The following MAST2 variants were observed in gnomAD, a reference collection of about 807,000 sequenced individuals.
MAST2 encodes microtubule-associated serine/threonine-protein kinase 2.
MAST2 carries 70 observed loss-of-function variants against 147.4 expected under a neutral mutation model. The ratio of observed to expected loss-of-function variants is 0.47; its 90% CI spans 0.39 to 0.58. The LOEUF (loss-of-function observed/expected upper bound fraction) is 0.58, where lower values mean the gene tolerates loss of function less well. MAST2 is among the 20% of genes least tolerant of loss of function. The pLI is 0.00. For synonymous variants in MAST2, 869 were observed against 896.8 expected (o/e 0.97, Z 0.55); for missense variants, 2,080 against 2,302.3 (o/e 0.90, Z 1.98).
intron 5 of MAST2, among the ~76,000 whole-genome samples, chr1:45,976,809 G>A (rs144503705): frequency 6.6e-6 from 1 of 152,280 alleles, no homozygotes; most frequent in Non-Finnish European, 1.5e-5. Flanking sequence ...GTGGCATGTG[G>A]ATTGATTGTC....
At chr1:45,901,267 C>G (rs1570625235) in intron 4 of MAST2, among the ~76,000 whole-genome samples, 1 of 152,100 alleles carries the variant, frequency 6.6e-6, no homozygotes, top group Admixed American at 6.6e-5. Context: ...TGTCCTTTCC[C>G]CATTGATTAT....
chr1:45,847,944 A>G (rs1012328839), intron 3 of MAST2, among the ~76,000 whole-genome samples: 6 of 152,228 alleles, frequency 3.9e-5, no homozygotes, highest in African/African-American at 1.4e-4. Flanking sequence ...GGTGCATTCT[A>G]TCATATAGAC....
intron 4 of MAST2, among the ~76,000 whole-genome samples, chr1:45,949,997 T>C (rs771283419): frequency 6.6e-6 from 1 of 152,094 alleles, no homozygotes; most frequent in Non-Finnish European, 1.5e-5. Context: ...TTCTTACTTA[T>C]AAGTGGGAGC....
intron 1 of MAST2, among the ~76,000 whole-genome samples, chr1:45,816,221 AAGAGAG>A (rs144287036): frequency 8.9e-5 from 12 of 134,738 alleles, no homozygotes; most frequent in South Asian, 2.5e-4. Flanking sequence ...GAGAGAGAGA[AAGAGAG>A]AGAGAGAGAG....
chr1:45,987,611 G>A (rs1270681315), intron 5 of MAST2, among the ~76,000 whole-genome samples: 2 of 151,888 alleles, frequency 1.3e-5, no homozygotes, highest in Non-Finnish European at 2.9e-5. Context: ...TATGCCTGGC[G>A]TTGTGTATGG....
At chr1:45,896,576 A>G (rs1052206435) in intron 4 of MAST2, among the ~76,000 whole-genome samples, 2 of 152,248 alleles carry the variant, frequency 1.3e-5, no homozygotes, top group South Asian at 2.1e-4. Flanking sequence ...GAACTCTCTC[A>G]TGGGAGAGCC....
At chr1:45,829,127 G>A (rs748031370) in intron 2 of MAST2, among the ~76,000 whole-genome samples, 5 of 152,044 alleles carry the variant, frequency 3.3e-5, no homozygotes, top group Non-Finnish European at 5.9e-5. Context: ...AAACTATGTA[G>A]GCTAGAAGGG....
chr1:45,951,364 C>T (rs1326830556), intron 4 of MAST2, among the ~76,000 whole-genome samples: 1 of 152,192 alleles, frequency 6.6e-6, no homozygotes, highest in African/African-American at 2.4e-5. Context: ...GGGCGGATCA[C>T]TTGAGCCCAG....
intron 4 of MAST2, among the ~76,000 whole-genome samples, chr1:45,900,295 T>TTGAAC (rs893354043): frequency 6.6e-6 from 1 of 151,944 alleles, no homozygotes; most frequent in African/African-American, 2.4e-5. Context: ...TCTGTAGGGG[T>TTGAAC]TGAACTAATT....
intron 4 of MAST2, among the ~76,000 whole-genome samples, chr1:45,893,076 A>G (rs971039532): frequency 6.6e-6 from 1 of 152,170 alleles, no homozygotes; most frequent in Non-Finnish European, 1.5e-5. Context: ...CTATACATCT[A>G]TATTTTTATA....
At chr1:45,959,360 T>A (rs376900488) in intron 4 of MAST2, 26 bp from the exon 5 acceptor site, 1 of 1,595,554 alleles carries the variant, frequency 6.3e-7, no homozygotes, top group South Asian at 1.1e-5. Context: ...GGCCCTATTA[T>A]AATTCATATT....
intron 1 of MAST2, among the ~76,000 whole-genome samples, chr1:45,815,193 T>G (rs1383538873): frequency 6.6e-6 from 1 of 152,054 alleles, no homozygotes; most frequent in East Asian, 1.9e-4. Context: ...TCTTTTTTTT[T>G]TTTTTTGAAA....
rs1450173706 is a variant in MAST2, at chr1:46,000,956, C to T, written c.669-1849C>T. 1.2e-5 allele frequency: 15 copies of T among 1,289,538 alleles called. No individual in the cohort carries two copies. The East Asian group carries it at 6.1e-4, about 52-fold the overall frequency. The allele number at this position is 1,289,538 out of a possible 1,614,324, so 79.9% of individuals were successfully genotyped here. On this transcript the variant is annotated intron_variant, in intron 6 of 28. Transcript: ENST00000361297. ...CACTATAATGTGTATTTTTTTACTA[C>T]AGCCATAGCCACAGAGCTGACAGGT...
Position 45,900,173 on chromosome 1 carries a change from C to CAAAAAAA in MAST2, c.500+17794_500+17800dup, listed in dbSNP as rs59051138. ...CGACAGAGCGAGACTCTCTCTCTCT[C>CAAAAAAA]AAAAAAAAAAAAAAAAAAAAAAGAT... On this transcript the variant is annotated intron_variant, in intron 4 of 28. Transcript: ENST00000361297. 1.3e-3 allele frequency among the ~76,000 whole-genome samples: 69 copies of CAAAAAAA among 54,086 alleles called. 9 individuals carry two copies. In the East Asian group the frequency reaches 0.016, roughly 12 times the overall value. 35.5% of individuals were successfully genotyped at this position (54,086 alleles called of 152,430 possible).
chr1:45,965,221 G>T (rs12122363), intron 5 of MAST2, among the ~76,000 whole-genome samples: 1 of 152,194 alleles, frequency 6.6e-6, no homozygotes, highest in African/African-American at 2.4e-5. Context: ...GAGTTCTGTA[G>T]ATGTCTATTA....
intron 3 of MAST2, among the ~76,000 whole-genome samples, chr1:45,838,207 T>C (rs956843388): frequency 1.5e-4 from 21 of 144,592 alleles, no homozygotes; most frequent in African/African-American, 5.1e-4. Flanking sequence ...TTGCCAATTA[T>C]ATATATTCTT....
chr1:45,926,007 C>T (rs1354874512), intron 4 of MAST2, among the ~76,000 whole-genome samples: 1 of 152,184 alleles, frequency 6.6e-6, no homozygotes, highest in Non-Finnish European at 1.5e-5. Context: ...AAAATTATTT[C>T]CTGCCAAAGA....
At chr1:46,004,525 A>G (rs1483278889) in intron 7 of MAST2, among the ~76,000 whole-genome samples, 3 of 152,164 alleles carry the variant, frequency 2.0e-5, no homozygotes, top group Non-Finnish European at 4.4e-5. Context: ...TGTAGTTTAC[A>G]TTGCCTCACT....
chr1:46,034,201 G>A lies in MAST2; in HGVS notation c.3803G>A (p.Ser1268Asn), dbSNP rs758704432. ...GESGPGSPTH[S>N]HSLSPRSPTQ... ...AGTGGGCCAGGCTCTCCCACACACA[G>A]CCACAGCCTTTCCCCCCGATCTCCC... The change falls in exon 28 of 29, where the codon AGC becomes AAC. Residue 1268 changes from serine (S) to asparagine (N), a missense_variant. Coordinates refer to ENST00000361297, the MANE Select transcript of MAST2 (RefSeq NM_015112.3). The A allele has an allele frequency of 6.2e-7, 1 of 1,614,078 alleles. No homozygotes were observed. The highest frequency in any genetic ancestry group is 1.1e-5 in the South Asian group (1 of 91,084).
Sources: allele counts gnomAD v4.1 joint callset (sites outside exome capture counted in the v4.1 genomes callset), GRCh38; gene constraint gnomAD v4.1.1; transcripts MANE v1.5; gene names NCBI Gene and HGNC (gene_info 2026-07-23, HGNC 2026-07-21).